The following INPP4B variants were observed in gnomAD, a reference collection of about 807,000 sequenced individuals.
The protein encoded by INPP4B is inositol polyphosphate 4-phosphatase type II.
INPP4B carries 55 observed loss-of-function variants against 122.5 expected under a neutral mutation model. The observed-to-expected ratio is 0.45, with a 90% confidence interval of 0.36 to 0.56. The LOEUF (loss-of-function observed/expected upper bound fraction) is 0.56, where lower values mean the gene tolerates loss of function less well. Ranked by LOEUF, INPP4B falls within the 20% of genes least tolerant of loss-of-function variation. INPP4B has a pLI of 0.00. For synonymous variants in INPP4B, 403 were observed against 388.7 expected, an observed-to-expected ratio of 1.04 and a Z score of -0.43; for missense variants, 1,000 against 1,097.7, an observed-to-expected ratio of 0.91 and a Z score of 1.26.
chr4:142,762,539 A>C (rs775274603), intron 1 of INPP4B, among the ~76,000 whole-genome samples: 2 of 152,142 alleles, frequency 1.3e-5, no homozygotes, highest in Non-Finnish European at 2.9e-5. Context: ...AAGCAATCCT[A>C]CAAGAAGCAT....
chr4:142,576,754 T>C (rs1733943569), intron 2 of INPP4B, among the ~76,000 whole-genome samples: 1 of 151,928 alleles, frequency 6.6e-6, no homozygotes, highest in Non-Finnish European at 1.5e-5. Flanking sequence ...GATACAAATA[T>C]CAAATCCAAA....
intron 2 of INPP4B, among the ~76,000 whole-genome samples, chr4:142,539,587 C>T (rs1483910005): frequency 6.6e-6 from 1 of 151,960 alleles, no homozygotes; most frequent in Non-Finnish European, 1.5e-5. Flanking sequence ...GTTGTGAGAA[C>T]AAAACCTTCA....
At chr4:142,806,825 A>AAGAAAG (rs1778902620) in intron 1 of INPP4B, among the ~76,000 whole-genome samples, 1 of 150,490 alleles carries the variant, frequency 6.6e-6, no homozygotes, top group Non-Finnish European at 1.5e-5. Flanking sequence ...GAAAGAAAGA[A>AAGAAAG]AGAAAGAAAG....
At chr4:142,585,846 T>TTTATTA (rs59890158) in intron 2 of INPP4B, among the ~76,000 whole-genome samples, 71,270 of 144,376 alleles carry the variant, frequency 0.49, 18,628 homozygotes, top group East Asian at 0.71. Flanking sequence ...CACTAAACAC[T>TTTATTA]TTATTATTAT....
chr4:142,377,816 T>C (rs996589859), intron 7 of INPP4B, among the ~76,000 whole-genome samples: 1 of 152,088 alleles, frequency 6.6e-6, no homozygotes, highest in Non-Finnish European at 1.5e-5. Context: ...TTACTCTTCA[T>C]AGATTTCAAA....
At chr4:142,688,072 C>T (rs148298367) in intron 2 of INPP4B, among the ~76,000 whole-genome samples, 201 of 152,190 alleles carry the variant, frequency 1.3e-3, no homozygotes, top group African/African-American at 4.7e-3. Flanking sequence ...TAGATAGATA[C>T]CAAAGCTGTA....
chr4:142,488,750 T>G (rs1821492787), intron 2 of INPP4B, among the ~76,000 whole-genome samples: 1 of 152,158 alleles, frequency 6.6e-6, no homozygotes, highest in South Asian at 2.1e-4. Flanking sequence ...AACCCAGTAT[T>G]GGTATTGTGT....
chr4:142,636,215 A>T lies in INPP4B; in HGVS notation c.-191+89624T>A, dbSNP rs934320346. Reference sequence around the variant, plus strand: ...TCCTGAGGTCTCCCCAGCAATGCAGAACTGTGAGTCAATTAAACCTCTTTT... The same window carrying T: ...TCCTGAGGTCTCCCCAGCAATGCAGTACTGTGAGTCAATTAAACCTCTTTT... On this transcript the variant is annotated intron_variant, in intron 2 of 25. Coordinates refer to ENST00000262992, the MANE Select transcript of INPP4B (RefSeq NM_001101669.3). 3.3e-5 allele frequency among the ~76,000 whole-genome samples: 5 copies of T among 152,148 alleles called. No individual in the cohort carries two copies. In the South Asian group the frequency reaches 6.2e-4, roughly 19 times the overall value.
At chr4:142,776,174 ATTG>A (rs2151014163) in intron 1 of INPP4B, among the ~76,000 whole-genome samples, 1 of 152,254 alleles carries the variant, frequency 6.6e-6, no homozygotes, top group South Asian at 2.1e-4. Context: ...TCTTTTCAAG[ATTG>A]TTATCAGCTG....
chr4:142,129,104 G>A (rs1006114911), intron 18 of INPP4B, among the ~76,000 whole-genome samples: 3 of 152,178 alleles, frequency 2.0e-5, no homozygotes, highest in Admixed American at 1.3e-4. Flanking sequence ...GAAGAAATGA[G>A]CCAGCTCTTA....
chr4:142,840,407 C>A (rs1392575777), intron 1 of INPP4B, among the ~76,000 whole-genome samples: 1 of 152,058 alleles, frequency 6.6e-6, no homozygotes, highest in Non-Finnish European at 1.5e-5. Flanking sequence ...TTTTTTCTAT[C>A]ATGTTCATTT....
intron 5 of INPP4B, among the ~76,000 whole-genome samples, chr4:142,418,563 C>G (rs1333871419): frequency 3.3e-5 from 5 of 151,828 alleles, no homozygotes; most frequent in African/African-American, 1.2e-4. Context: ...GTAGATCAGG[C>G]AAATGTTCTC....
chr4:142,579,606 C>T (rs982602367), intron 2 of INPP4B, among the ~76,000 whole-genome samples: 4 of 151,884 alleles, frequency 2.6e-5, no homozygotes, highest in East Asian at 1.9e-4. Context: ...ATGTTAGACC[C>T]TCCCTCAAGT....
intron 2 of INPP4B, among the ~76,000 whole-genome samples, chr4:142,641,555 T>G (rs982025963): frequency 6.6e-6 from 1 of 152,122 alleles, no homozygotes; most frequent in Non-Finnish European, 1.5e-5. Flanking sequence ...TTGCTGAGAA[T>G]GATGGTTTCC....
At chr4:142,049,465 G>A (rs1753306996) in intron 25 of INPP4B, among the ~76,000 whole-genome samples, 1 of 151,996 alleles carries the variant, frequency 6.6e-6, no homozygotes, top group African/African-American at 2.4e-5. Context: ...TTTCCTTAAA[G>A]AGGTCTATTT....
rs74389833 is a variant in INPP4B, at chr4:142,722,821, C to T, written c.-191+3018G>A. On this transcript the variant is annotated intron_variant, in intron 2 of 25. Coordinates refer to ENST00000262992, the MANE Select transcript of INPP4B (RefSeq NM_001101669.3). ...TGAGATTTACATGTACTTTTCATCACTAGCCTTAAACTATTTCTAACTCTC... is the reference window on the plus strand; with the variant it reads ...TGAGATTTACATGTACTTTTCATCATTAGCCTTAAACTATTTCTAACTCTC... Among the ~76,000 whole-genome samples the T allele has an allele frequency of 1.6e-3, 247 of 152,250 alleles. 2 individuals carry two copies. The highest frequency in any genetic ancestry group is 0.016 in the East Asian group (82 of 5,184).
intron 2 of INPP4B, chr4:142,560,488 G>A (rs1013172827): frequency 6.6e-6 from 1 of 152,262 alleles, no homozygotes; most frequent in Non-Finnish European, 1.5e-5. Flanking sequence ...ACAATAGGCT[G>A]TCTGCAAACT....
At chr4:142,249,021 T>C (rs1730582022) in intron 11 of INPP4B, among the ~76,000 whole-genome samples, 1 of 151,950 alleles carries the variant, frequency 6.6e-6, no homozygotes, top group Non-Finnish European at 1.5e-5. Flanking sequence ...ACAACAATAG[T>C]AGGTGGTTTA....
At chr4:142,642,063 T>C (rs1469796008) in intron 2 of INPP4B, among the ~76,000 whole-genome samples, 2 of 152,236 alleles carry the variant, frequency 1.3e-5, no homozygotes, top group African/African-American at 2.4e-5. Flanking sequence ...CATTGATGTC[T>C]TCTTTTGAGA....
Sources: allele counts gnomAD v4.1 joint callset (sites outside exome capture counted in the v4.1 genomes callset), GRCh38; gene constraint gnomAD v4.1.1; transcripts MANE v1.5; gene names NCBI Gene and HGNC (gene_info 2026-07-23, HGNC 2026-07-21).